AAK1: variants seen among roughly 807,000 people sequenced by gnomAD.
AAK1 encodes the protein AP2-associated protein kinase 1.
In AAK1, 37 loss-of-function variants were observed where a neutral mutation model predicts 116.0. The observed-to-expected ratio is 0.32, with a 90% CI of 0.25 to 0.42. AAK1 has a LOEUF of 0.42. Ranked by LOEUF, AAK1 falls within the 10% of genes least tolerant of loss-of-function variation. The pLI is 1.00. For synonymous variants in AAK1, 458 were observed against 439.9 expected, an observed-to-expected ratio of 1.04 and a Z score of -0.51; for missense variants, 919 against 1,170.6, an observed-to-expected ratio of 0.79 and a Z score of 3.14.
intron 2 of AAK1, chr2:69,594,817 A>G: frequency 6.8e-7 from 1 of 1,472,578 alleles, no homozygotes; most frequent in Non-Finnish European, 9.4e-7. Flanking sequence ...AATAGCCAGC[A>G]TTCTCTTAGA....
chr2:69,472,247 G>A lies in AAK1; in HGVS notation c.*3622C>T. The A allele has an allele frequency of 2.4e-6, 2 of 836,378 alleles. No homozygotes were observed. Among genetic ancestry groups the A allele is most frequent in the Non-Finnish European group, 2.9e-6 (2 of 694,176 alleles). 51.8% of individuals were successfully genotyped at this position (836,378 alleles called of 1,614,324 possible). ...ACAGTAACCACTCTTCATCTTACAG[G>A]GTTGAATTTGCTTTCTGGAAATGGC... On this transcript the variant is annotated 3_prime_UTR_variant, in exon 22 of 22. Coordinates refer to ENST00000409085, the MANE Select transcript of AAK1 (RefSeq NM_014911.5).
At chr2:69,546,122 C>G (rs1475236047) in intron 3 of AAK1, among the ~76,000 whole-genome samples, 1 of 151,414 alleles carries the variant, frequency 6.6e-6, no homozygotes, top group African/African-American at 2.4e-5. Context: ...CCCTGGCAAG[C>G]AGGAAGGAGG....
At chr2:69,509,142 T>C in intron 14 of AAK1, 89 bp downstream of exon 14, 1 of 1,098,244 alleles carries the variant, frequency 9.1e-7, no homozygotes, top group East Asian at 2.4e-5. Context: ...TACACACATC[T>C]ACACACTTAT....
intron 2 of AAK1, among the ~76,000 whole-genome samples, chr2:69,609,645 C>G (rs1673976128): frequency 6.6e-6 from 1 of 152,128 alleles, no homozygotes; most frequent in Non-Finnish European, 1.5e-5. Flanking sequence ...GCCTGGGTGA[C>G]ACAGTGAGAC....
intron 2 of AAK1, among the ~76,000 whole-genome samples, chr2:69,635,858 A>T (rs920953707): frequency 6.6e-6 from 1 of 152,218 alleles, no homozygotes; most frequent in Non-Finnish European, 1.5e-5. Flanking sequence ...ATGGGAATGG[A>T]TGGTGGTGAT....
chr2:69,583,617 T>C (rs747222236), intron 2 of AAK1, among the ~76,000 whole-genome samples: 33 of 152,238 alleles, frequency 2.2e-4, no homozygotes, highest in Admixed American at 1.3e-4. Flanking sequence ...CTCGGCTTCA[T>C]GGCTGAAAGT....
Position 69,643,031 on chromosome 2 carries a change from ACTT to A in AAK1, c.7_9del (p.Lys3del). 1.9e-6 allele frequency: 3 copies of A among 1,602,978 alleles called. No homozygotes were observed. The highest frequency in any genetic ancestry group is 1.1e-5 in the South Asian group (1 of 89,722). On this transcript the variant is annotated inframe_deletion, in exon 2 of 22. Coordinates refer to ENST00000409085, the MANE Select transcript of AAK1 (RefSeq NM_014911.5). ...CCCTGCTCTCGCCGGGAGTCGAAAA[ACTT>A]CTTCATCTTGCGAATAGGGAGCAGC...
chr2:69,496,103 G>A (rs1380527372), intron 16 of AAK1, 23 bp from the exon 17 acceptor site: 1 of 1,515,410 alleles, frequency 6.6e-7, no homozygotes, highest in East Asian at 2.5e-5. Context: ...TGGAGGGGAA[G>A]GAGGAGTCAG....
At chr2:69,560,452 A>T (rs1316632503) in intron 2 of AAK1, among the ~76,000 whole-genome samples, 1 of 152,266 alleles carries the variant, frequency 6.6e-6, no homozygotes, top group South Asian at 2.1e-4. Context: ...GACAGAGGTA[A>T]GAAAATCTTA....
intron 2 of AAK1, among the ~76,000 whole-genome samples, chr2:69,599,545 C>T (rs114853462): frequency 2.1e-3 from 324 of 152,194 alleles, no homozygotes; most frequent in African/African-American, 7.2e-3. Context: ...AGTTTCAATA[C>T]TATATAAATA....
chr2:69,478,865 A>C, intron 20 of AAK1, 86 bp downstream of exon 20: 1 of 1,109,758 alleles, frequency 9.0e-7, no homozygotes, highest in Non-Finnish European at 1.4e-6. Flanking sequence ...ACTAGTAAAG[A>C]CTTTTGATAA....
rs1175802628 is a variant in AAK1 at position 69,584,496 on chromosome 2, AG to A, written c.164-27519del. On this transcript the variant is annotated intron_variant, in intron 2 of 21. Transcript: ENST00000409085. Reference sequence around the variant, plus strand: ...TCAGTTTTGAATAGTCCAGACTTGTAGGGGTAACTTTTTCTCTTGGTGCCTT... The same window carrying A: ...TCAGTTTTGAATAGTCCAGACTTGTAGGGTAACTTTTTCTCTTGGTGCCTT... Among the ~76,000 whole-genome samples the A allele has an allele frequency of 7.9e-5, 12 of 152,354 alleles. No individual in the cohort carries two copies. In the East Asian group the frequency reaches 2.3e-3, roughly 29 times the overall value.
At chr2:69,500,913 G>A (rs556832570) in intron 16 of AAK1, among the ~76,000 whole-genome samples, 1 of 151,930 alleles carries the variant, frequency 6.6e-6, no homozygotes, top group African/African-American at 2.4e-5. Flanking sequence ...CAGGGACCTC[G>A]ATTGTTAACG....
At chr2:69,545,167 T>A (rs1670873372) in intron 3 of AAK1, among the ~76,000 whole-genome samples, 1 of 152,208 alleles carries the variant, frequency 6.6e-6, no homozygotes, top group African/African-American at 2.4e-5. Context: ...CAGTTGGAAC[T>A]GCATGTGATC....
chr2:69,601,636 G>A (rs1389805588), intron 2 of AAK1, among the ~76,000 whole-genome samples: 1 of 151,642 alleles, frequency 6.6e-6, no homozygotes, highest in Non-Finnish European at 1.5e-5. Context: ...ATTAACCTTT[G>A]CAAAGACAAA....
Position 69,466,065 on chromosome 2 carries a change from A to AAAATGT in AAK1, c.*9798_*9803dup. ...CTTGGAGACAAATGGGGCTTTGGAG[A>AAAATGT]AAATGTCCATGTCATCATTTGGAAC... On this transcript the variant is annotated 3_prime_UTR_variant, in exon 22 of 22. Transcript: ENST00000409085. The AAAATGT allele has an allele frequency of 1.5e-6, 2 of 1,290,918 alleles. No homozygotes were observed. Among genetic ancestry groups the AAAATGT allele is most frequent in the Non-Finnish European group, 2.0e-6 (2 of 988,880 alleles). 80.0% of individuals were successfully genotyped at this position (1,290,918 alleles called of 1,614,324 possible).
chr2:69,633,038 A>C (rs551431379), intron 2 of AAK1, among the ~76,000 whole-genome samples: 4 of 151,296 alleles, frequency 2.6e-5, no homozygotes, highest in Admixed American at 6.6e-5. Flanking sequence ...GTCTCAATAA[A>C]AAAAATAAAT....
At chr2:69,494,400 C>T (rs571893499) in intron 17 of AAK1, among the ~76,000 whole-genome samples, 1 of 152,292 alleles carries the variant, frequency 6.6e-6, no homozygotes, top group South Asian at 2.1e-4. Flanking sequence ...CCAGAGGACT[C>T]CTGTGACAGC....
At chr2:69,592,863 T>C (rs1673093931) in intron 2 of AAK1, among the ~76,000 whole-genome samples, 1 of 152,150 alleles carries the variant, frequency 6.6e-6, no homozygotes, top group Non-Finnish European at 1.5e-5. Flanking sequence ...AACAAGTGAG[T>C]GTCTTAAGGC....
Sources: gnomAD v4.1 joint callset for allele counts (sites outside exome capture counted in the v4.1 genomes callset) on GRCh38, gnomAD v4.1.1 for gene constraint, MANE v1.5 for transcripts, NCBI Gene and HGNC (gene_info 2026-07-23, HGNC 2026-07-21) for gene names.